The following LAMC1 variants were observed in gnomAD, a reference collection of about 807,000 sequenced individuals.
The protein encoded by LAMC1 is laminin subunit gamma-1.
LAMC1 carries 38 observed loss-of-function variants against 173.6 expected under a neutral mutation model. That is an observed-to-expected ratio of 0.22 (90% CI 0.17 to 0.29). The LOEUF is 0.29. Ranked by LOEUF, LAMC1 falls within the 10% of genes least tolerant of loss-of-function variation. The pLI is 1.00. For missense variants in LAMC1, 1,824 were observed against 2,051.8 expected, an observed-to-expected ratio of 0.89 and a Z score of 2.14; for synonymous variants, 746 against 749.1, an observed-to-expected ratio of 1.00 and a Z score of 0.07.
chr1:183,099,053 A>G (rs1229757872), intron 1 of LAMC1, among the ~76,000 whole-genome samples: 1 of 150,942 alleles, frequency 6.6e-6, no homozygotes, highest in Non-Finnish European at 1.5e-5. Context: ...AACTACACTC[A>G]CTGTGTCTGC....
intron 1 of LAMC1, among the ~76,000 whole-genome samples, chr1:183,054,988 CTTTTTTT>C (rs34723564): frequency 7.6e-6 from 1 of 130,804 alleles, no homozygotes; most frequent in African/African-American, 2.8e-5. Flanking sequence ...CTTTGTGCAT[CTTTTTTT>C]TTTTTTTTTT....
Position 183,103,369 on chromosome 1 carries a change from A to G in LAMC1, c.460A>G (p.Thr154Ala). The G allele has an allele frequency of 6.2e-7, 1 of 1,614,164 alleles. No homozygotes were observed. The highest frequency in any genetic ancestry group is 8.5e-7 in the Non-Finnish European group (1 of 1,180,024). ...CACCTATGTGCGTCTCAAGTTCCAC[A>G]CCAGCCGCCCGGAGAGCTTTGCCAT... is the stretch of plus-strand genomic sequence containing the variant. ...DITYVRLKFH[T>A]SRPESFAIYK... The change falls in exon 2 of 28, where the codon ACC becomes GCC. Residue 154 changes from threonine to alanine, a missense_variant. By Grantham distance (58) the Thr-to-Ala change is moderately conservative. Coordinates refer to ENST00000258341, the MANE Select transcript of LAMC1 (RefSeq NM_002293.4).
At chr1:183,062,617 C>T (rs1257189777) in intron 1 of LAMC1, among the ~76,000 whole-genome samples, 1 of 152,118 alleles carries the variant, frequency 6.6e-6, no homozygotes. Flanking sequence ...TACGCTCCAG[C>T]CTGGGTGACA....
In LAMC1 at chr1:183,132,407, CA is replaced by C; in HGVS notation, c.3575del (p.Gln1192ArgfsTer25). ...TTTGTTTTATCTGTATAGTCATAAACAGGAAGCTGATGACATTGTTCGAGTG... is the reference window on the plus strand; with the variant it reads ...TTTGTTTTATCTGTATAGTCATAAACGGAAGCTGATGACATTGTTCGAGTG... ...EARKLAERHKQEADDIVRVAK... is the reference protein window; with the variant it reads ...EARKLAERHKXEADDIVRVAK... On this transcript the variant is annotated frameshift_variant, in exon 21 of 28. Coordinates refer to ENST00000258341, the MANE Select transcript of LAMC1 (RefSeq NM_002293.4). LOFTEE classifies it high-confidence loss of function. The C allele has an allele frequency of 6.2e-7, 1 of 1,613,432 alleles. No individual in the cohort carries two copies. Among genetic ancestry groups the C allele is most frequent in the Non-Finnish European group, 8.5e-7 (1 of 1,179,596 alleles).
At chr1:183,048,983 T>G (rs1050875544) in intron 1 of LAMC1, among the ~76,000 whole-genome samples, 4 of 152,238 alleles carry the variant, frequency 2.6e-5, no homozygotes, top group Non-Finnish European at 5.9e-5. Flanking sequence ...ACTGGAGATA[T>G]GATGGCAGGG....
chr1:183,097,534 T>C (rs983054188), intron 1 of LAMC1, among the ~76,000 whole-genome samples: 3 of 152,242 alleles, frequency 2.0e-5, no homozygotes, highest in African/African-American at 7.2e-5. Flanking sequence ...TTTCACAAGA[T>C]CCTTATGGAA....
Position 183,081,050 on chromosome 1 carries a change from G to A in LAMC1, c.419-22278G>A, listed in dbSNP as rs867269935. 2.4e-4 allele frequency among the ~76,000 whole-genome samples: 36 copies of A among 151,886 alleles called. No individual in the cohort carries two copies. In the East Asian group the frequency reaches 4.3e-3, roughly 18 times the overall value. On this transcript the variant is annotated intron_variant, in intron 1 of 27. Transcript: ENST00000258341. ...ACTACAGGTGCCTGCCACCACGCCCGGCTAATTTTTATATTCTTAGTAGAG... is the reference window on the plus strand; with the variant it reads ...ACTACAGGTGCCTGCCACCACGCCCAGCTAATTTTTATATTCTTAGTAGAG...
intron 1 of LAMC1, among the ~76,000 whole-genome samples, chr1:183,045,321 C>G (rs945754056): frequency 5.3e-5 from 8 of 151,996 alleles, no homozygotes; most frequent in African/African-American, 1.7e-4. Flanking sequence ...AGGGACATTT[C>G]TTCCAATTTT....
chr1:183,121,042 G>T (rs1656456213), intron 11 of LAMC1, among the ~76,000 whole-genome samples: 2 of 152,090 alleles, frequency 1.3e-5, no homozygotes, highest in African/African-American at 4.8e-5. Context: ...CACTCCAAAT[G>T]ATTGTCTGAT....
chr1:183,061,353 A>G (rs1654742213), intron 1 of LAMC1, among the ~76,000 whole-genome samples: 1 of 139,406 alleles, frequency 7.2e-6, no homozygotes, highest in Non-Finnish European at 1.5e-5. Context: ...TTGTCTTTAG[A>G]TTTTTTGGTT....
At chr1:183,120,511 A>G (rs1044943009) in intron 11 of LAMC1, among the ~76,000 whole-genome samples, 8 of 152,320 alleles carry the variant, frequency 5.3e-5, no homozygotes, top group Non-Finnish European at 4.4e-5. Flanking sequence ...TTAATTTTCA[A>G]ATGAATTTTA....
At chr1:183,095,530 A>G (rs1207732400) in intron 1 of LAMC1, among the ~76,000 whole-genome samples, 1 of 152,106 alleles carries the variant, frequency 6.6e-6, no homozygotes, top group African/African-American at 2.4e-5. Flanking sequence ...TTATTTCTTT[A>G]GTGTTATAAT....
chr1:183,134,612 GT>G, intron 22 of LAMC1, 47 bp from the exon 23 acceptor site: 1 of 1,506,956 alleles, frequency 6.6e-7, no homozygotes, highest in Non-Finnish European at 9.0e-7. Context: ...CTTTTCATTA[GT>G]TTAAATGTTT....
chr1:183,077,398 TC>T (rs1655143022), intron 1 of LAMC1, among the ~76,000 whole-genome samples: 1 of 152,196 alleles, frequency 6.6e-6, no homozygotes, highest in Admixed American at 6.5e-5. Context: ...GATGACTAGC[TC>T]TTTTTCCAAA....
intron 1 of LAMC1, among the ~76,000 whole-genome samples, chr1:183,095,461 T>G (rs78666918): frequency 0.011 from 1,665 of 152,344 alleles, 27 homozygotes; most frequent in South Asian, 0.079. Flanking sequence ...CTTTTTCATA[T>G]CTTAACAATT....
chr1:183,056,312 A>T (rs1431579582), intron 1 of LAMC1, among the ~76,000 whole-genome samples: 1 of 152,228 alleles, frequency 6.6e-6, no homozygotes, highest in Non-Finnish European at 1.5e-5. Context: ...CAGCCAGTGC[A>T]GCACCCACCC....
intron 11 of LAMC1, among the ~76,000 whole-genome samples, chr1:183,121,061 T>G (rs1456108095): frequency 1.3e-5 from 2 of 152,200 alleles, no homozygotes; most frequent in East Asian, 3.9e-4. Context: ...ATGCTTTTCA[T>G]TTTTCACATT....
chr1:183,110,411 G>T, intron 3 of LAMC1, 77 bp from the exon 4 acceptor site: 1 of 1,121,412 alleles, frequency 8.9e-7, no homozygotes, highest in South Asian at 1.6e-5. Context: ...TTACTTCTTT[G>T]TGTACATAGT....
intron 17 of LAMC1, among the ~76,000 whole-genome samples, chr1:183,127,899 A>G (rs1444789871): frequency 6.6e-6 from 1 of 152,166 alleles, no homozygotes; most frequent in Admixed American, 6.5e-5. Context: ...TCCAATAAGA[A>G]TGCATTGAAG....
Sources: gnomAD v4.1 joint callset for allele counts (sites outside exome capture counted in the v4.1 genomes callset) on GRCh38, gnomAD v4.1.1 for gene constraint, MANE v1.5 for transcripts, NCBI Gene and HGNC (gene_info 2026-07-23, HGNC 2026-07-21) for gene names.